The following CTNNA3 variants were observed in gnomAD, a reference collection of about 807,000 sequenced individuals.
The protein encoded by CTNNA3 is catenin alpha 3, also known as catenin alpha-3.
In CTNNA3, 76 loss-of-function variants were observed where a neutral mutation model predicts 95.7. The observed-to-expected ratio is 0.79, with a 90% confidence interval of 0.66 to 0.96. The LOEUF (loss-of-function observed/expected upper bound fraction) is 0.96. Among genes scored for constraint, CTNNA3 ranks in the 40% least tolerant of loss-of-function variants. The probability of loss-of-function intolerance (pLI) is 0.00; values close to 1 mark genes in which losing one functional copy is unlikely to be tolerated. For missense variants in CTNNA3, 1,191 were observed against 1,089.8 expected, an observed-to-expected ratio of 1.09 and a Z score of -1.31; for synonymous variants, 431 against 374.4, an observed-to-expected ratio of 1.15 and a Z score of -1.74.
chr10:66,163,641 A>G (rs2084968162), intron 13 of CTNNA3, among the ~76,000 whole-genome samples: 1 of 152,116 alleles, frequency 6.6e-6, no homozygotes, highest in East Asian at 1.9e-4. Flanking sequence ...TTGTTCTTGC[A>G]GTTGATTTCA....
rs897448653 is a variant in CTNNA3, at chr10:66,843,729, A to C, written c.1048-68205T>G. ...AAATTACTTACTAACAGAGAAGGAC[A>C]TGACCCTTTTATTTCTCATTCTTTT... On this transcript the variant is annotated intron_variant, in intron 7 of 17. Coordinates refer to ENST00000433211, the MANE Select transcript of CTNNA3 (RefSeq NM_013266.4). Among the ~76,000 whole-genome samples the C allele has an allele frequency of 1.4e-4, 22 of 152,202 alleles. 1 individual carries two copies. The highest frequency in any genetic ancestry group is 1.4e-3 in the Admixed American group (22 of 15,274).
At chr10:66,601,189 C>A (rs575643352) in intron 10 of CTNNA3, among the ~76,000 whole-genome samples, 1 of 151,888 alleles carries the variant, frequency 6.6e-6, no homozygotes, top group South Asian at 2.1e-4. Flanking sequence ...ACCAAACGCA[C>A]AACCATAGCA....
rs16922628 is a variant in CTNNA3 at position 66,220,277 on chromosome 10, T to A, written c.1884+60193A>T. ...AATTATTGTTTCAGAAAGGCATAAG[T>A]GAACTGTGATTATAATTTGTAGAAC... is the stretch of plus-strand genomic sequence containing the variant. On this transcript the variant is annotated intron_variant, in intron 13 of 17. Transcript: ENST00000433211. Among the ~76,000 whole-genome samples, 768 of 152,258 alleles carry A rather than the reference T, an allele frequency of 5.0e-3. 5 individuals are homozygous for A. Among genetic ancestry groups the A allele is most frequent in the African/African-American group, 0.017 (719 of 41,544 alleles).
At chr10:67,128,261 C>T (rs1005305352) in intron 7 of CTNNA3, among the ~76,000 whole-genome samples, 8 of 151,846 alleles carry the variant, frequency 5.3e-5, no homozygotes, top group Non-Finnish European at 1.2e-4. Context: ...GTAAAGCAGA[C>T]TCAGTTTATA....
At chr10:66,468,925 AT>A (rs1319730315) in intron 11 of CTNNA3, among the ~76,000 whole-genome samples, 3 of 151,854 alleles carry the variant, frequency 2.0e-5, no homozygotes, top group Non-Finnish European at 4.4e-5. Context: ...TTTGATATAT[AT>A]TTTGTTTGAC....
intron 7 of CTNNA3, among the ~76,000 whole-genome samples, chr10:67,146,882 GT>G (rs1284160145): frequency 6.6e-6 from 1 of 152,120 alleles, no homozygotes; most frequent in Non-Finnish European, 1.5e-5. Context: ...CATATAAACA[GT>G]TAACATTATG....
chr10:66,489,480 G>T (rs192320976), intron 11 of CTNNA3, among the ~76,000 whole-genome samples: 1 of 151,982 alleles, frequency 6.6e-6, no homozygotes, highest in South Asian at 2.1e-4. Context: ...TAAAGGGGAG[G>T]AAATTTAACG....
intron 1 of CTNNA3, among the ~76,000 whole-genome samples, chr10:67,763,223 T>C (rs543794966): frequency 9.2e-5 from 14 of 151,860 alleles, no homozygotes; most frequent in Admixed American, 3.9e-4. Flanking sequence ...TTTGTTCCCA[T>C]GCAGTATTCA....
intron 7 of CTNNA3, among the ~76,000 whole-genome samples, chr10:66,970,601 G>A (rs773785224): frequency 1.3e-5 from 2 of 151,904 alleles, no homozygotes; most frequent in Non-Finnish European, 2.9e-5. Context: ...CAAAGAGGAA[G>A]GTATAGAAAT....
At chr10:66,866,999 G>C (rs1844205910) in intron 7 of CTNNA3, among the ~76,000 whole-genome samples, 1 of 152,062 alleles carries the variant, frequency 6.6e-6, no homozygotes, top group Admixed American at 6.6e-5. Flanking sequence ...TTTATAAGGG[G>C]TTTCTCCTTT....
chr10:67,509,376 G>A (rs999919894), intron 5 of CTNNA3, among the ~76,000 whole-genome samples: 1 of 152,054 alleles, frequency 6.6e-6, no homozygotes, highest in Non-Finnish European at 1.5e-5. Context: ...GGTGTGTGAT[G>A]TTCCCTGCCC....
chr10:66,664,338 T>C (rs1347714315), intron 9 of CTNNA3, among the ~76,000 whole-genome samples: 1 of 152,150 alleles, frequency 6.6e-6, no homozygotes, highest in African/African-American at 2.4e-5. Flanking sequence ...AGTCACATAA[T>C]TGAGCACAGC....
intron 5 of CTNNA3, among the ~76,000 whole-genome samples, chr10:67,471,690 C>T (rs78876074): frequency 0.017 from 2,588 of 152,168 alleles, 77 homozygotes; most frequent in African/African-American, 0.057. Context: ...AAAGTTAAAT[C>T]GGGAGTGGAT....
intron 12 of CTNNA3, among the ~76,000 whole-genome samples, chr10:66,309,347 C>T (rs571174202): frequency 3.3e-5 from 5 of 152,070 alleles, no homozygotes; most frequent in African/African-American, 4.8e-5. Context: ...CAAATAGACG[C>T]TTCTAATAAC....
chr10:67,368,478 C>T (rs900987198), intron 5 of CTNNA3, among the ~76,000 whole-genome samples: 1 of 152,138 alleles, frequency 6.6e-6, no homozygotes, highest in Non-Finnish European at 1.5e-5. Context: ...AAAAATACAT[C>T]TACCATGTGA....
intron 13 of CTNNA3, among the ~76,000 whole-genome samples, chr10:66,155,601 A>G (rs1384976622): frequency 6.6e-6 from 1 of 151,846 alleles, no homozygotes. Flanking sequence ...TGCTGTGGGG[A>G]GCGGAGGACC....
At chr10:66,491,998 G>T (rs1201729752) in intron 11 of CTNNA3, among the ~76,000 whole-genome samples, 1 of 151,948 alleles carries the variant, frequency 6.6e-6, no homozygotes, top group Non-Finnish European at 1.5e-5. Context: ...ACCAGGGATT[G>T]TTCTTATTGT....
intron 3 of CTNNA3, among the ~76,000 whole-genome samples, chr10:67,584,689 G>A (rs958030861): frequency 2.4e-4 from 37 of 152,320 alleles, no homozygotes; most frequent in African/African-American, 8.7e-4. Context: ...AGGCAGGCAG[G>A]CCTCCTTGAG....
At chr10:66,145,464 T>G (rs1393727470) in intron 13 of CTNNA3, among the ~76,000 whole-genome samples, 1 of 152,168 alleles carries the variant, frequency 6.6e-6, no homozygotes, top group African/African-American at 2.4e-5. Flanking sequence ...TTGAAAGGAC[T>G]CCAGGAAAGA....
Sources: allele counts gnomAD v4.1 joint callset (sites outside exome capture counted in the v4.1 genomes callset), GRCh38; gene constraint gnomAD v4.1.1; transcripts MANE v1.5; gene names NCBI Gene and HGNC (gene_info 2026-07-23, HGNC 2026-07-21).